Variants in TRAK1 observed in about 807,000 individuals in gnomAD.
TRAK1 encodes the protein trafficking kinesin-binding protein 1.
In TRAK1, 33 loss-of-function variants were observed where a neutral mutation model predicts 92.1. The ratio of observed to expected loss-of-function variants is 0.36; its 90% confidence interval spans 0.27 to 0.48. The LOEUF is 0.48. TRAK1 is among the 20% of genes least tolerant of loss of function. The pLI, the probability that TRAK1 is intolerant of heterozygous loss-of-function variation, is 0.99. For missense variants in TRAK1, 1,123 were observed against 1,257.9 expected (o/e 0.89, Z 1.62); for synonymous variants, 521 against 517.3 (o/e 1.01, Z -0.10).
intron 1 of TRAK1, among the ~76,000 whole-genome samples, chr3:42,110,607 T>G (rs1340081077): frequency 6.6e-6 from 1 of 152,230 alleles, no homozygotes; most frequent in Non-Finnish European, 1.5e-5. Context: ...TTGTCCTGGC[T>G]GAGCCCCTTG....
chr3:42,198,357 C>T lies in TRAK1; in HGVS notation c.1114-820C>T, dbSNP rs139828796. ...TGACCCACAAAGCTGGAGAGAGAAACATGTGAGCTGTTGAGAAGAGTGGCA... is the reference window on the plus strand; with the variant it reads ...TGACCCACAAAGCTGGAGAGAGAAATATGTGAGCTGTTGAGAAGAGTGGCA... On this transcript the variant is annotated intron_variant, in intron 10 of 15. Transcript: ENST00000327628. 2.6e-4 allele frequency among the ~76,000 whole-genome samples: 39 copies of T among 152,292 alleles called. 1 individual carries two copies. In the East Asian group the frequency reaches 7.3e-3, roughly 29 times the overall value.
chr3:42,071,536 C>T (rs942816645), intron 1 of TRAK1, among the ~76,000 whole-genome samples: 10 of 151,940 alleles, frequency 6.6e-5, no homozygotes, highest in Admixed American at 4.6e-4. Context: ...GGTGAAATCC[C>T]GTCTCTACTA....
At chr3:42,064,524 C>T (rs1703592806) in intron 1 of TRAK1, among the ~76,000 whole-genome samples, 1 of 152,216 alleles carries the variant, frequency 6.6e-6, no homozygotes, top group East Asian at 1.9e-4. Flanking sequence ...TAGGAAGCTA[C>T]CATGTGATCC....
chr3:42,073,582 T>C (rs1291565571), intron 1 of TRAK1, among the ~76,000 whole-genome samples: 1 of 152,328 alleles, frequency 6.6e-6, no homozygotes, highest in Admixed American at 6.5e-5. Flanking sequence ...GCCTAGGGCA[T>C]GTGAAAGCCC....
At chr3:42,123,098 G>T (rs1310583019) in intron 1 of TRAK1, among the ~76,000 whole-genome samples, 4 of 152,188 alleles carry the variant, frequency 2.6e-5, no homozygotes, top group Non-Finnish European at 5.9e-5. Context: ...AGTACGGAAT[G>T]GTAGGAAGCT....
chr3:42,101,021 T>C (rs1405556664), intron 1 of TRAK1, among the ~76,000 whole-genome samples: 1 of 152,188 alleles, frequency 6.6e-6, no homozygotes, highest in Non-Finnish European at 1.5e-5. Context: ...GCTGTAGGAG[T>C]GCTAACAGCC....
intron 1 of TRAK1, among the ~76,000 whole-genome samples, chr3:42,056,221 T>C (rs1418514296): frequency 1.3e-5 from 2 of 152,216 alleles, no homozygotes; most frequent in South Asian, 2.1e-4. Context: ...TGCTAGATCA[T>C]GTGGTAACTC....
chr3:42,063,317 G>C (rs753191309), intron 1 of TRAK1, among the ~76,000 whole-genome samples: 1 of 152,240 alleles, frequency 6.6e-6, no homozygotes, highest in African/African-American at 2.4e-5. Context: ...AGGAGCATCC[G>C]GGTTTTGTCT....
At chr3:42,070,494 C>G (rs1703889344) in intron 1 of TRAK1, among the ~76,000 whole-genome samples, 1 of 152,056 alleles carries the variant, frequency 6.6e-6, no homozygotes, top group South Asian at 2.1e-4. Flanking sequence ...GTGGCGCCAT[C>G]ATGGCTCACG....
chr3:42,175,877 T>C (rs1280961857), intron 2 of TRAK1, among the ~76,000 whole-genome samples: 1 of 152,224 alleles, frequency 6.6e-6, no homozygotes, highest in Non-Finnish European at 1.5e-5. Flanking sequence ...AGAAGTTATT[T>C]ATTTAGTCCC....
chr3:42,083,888 A>C (rs1001575446), upstream of TRAK1, among the ~76,000 whole-genome samples: 7 of 149,794 alleles, frequency 4.7e-5, no homozygotes, highest in African/African-American at 1.4e-4. Context: ...ATAAATAAAT[A>C]AAATAAATAA....
Position 42,223,896 on chromosome 3 carries a change from G to T in TRAK1, c.*159G>T. On this transcript the variant is annotated 3_prime_UTR_variant, in exon 16 of 16. Transcript: ENST00000327628. The surrounding 1 kb of genome is among the most constrained non-coding windows in gnomAD (Gnocchi z 6.1). ...CAACCTCGTGCCTAATGGAGGAAGT[G>T]TGGAAACTTTGTAAAATGTGTACAT... 1 of 853,246 alleles carries T rather than the reference G, an allele frequency of 1.2e-6. No individual in the cohort carries two copies. Among genetic ancestry groups the T allele is most frequent in the Non-Finnish European group, 1.8e-6 (1 of 551,220 alleles). 52.9% of individuals were successfully genotyped at this position (853,246 alleles called of 1,614,324 possible).
At chr3:42,054,943 C>CA (rs1195792773) in intron 1 of TRAK1, among the ~76,000 whole-genome samples, 1 of 60,112 alleles carries the variant, frequency 1.7e-5, no homozygotes, top group African/African-American at 6.5e-5. Context: ...TTTTTTGAGA[C>CA]AGAGTCTCAC....
At chr3:42,047,323 G>A (rs914026134) in intron 1 of TRAK1, among the ~76,000 whole-genome samples, 8 of 148,440 alleles carry the variant, frequency 5.4e-5, no homozygotes, top group African/African-American at 2.0e-4. Context: ...AGCCTTCCAA[G>A]AAGCTGGGAC....
chr3:42,052,133 C>T (rs975711603), intron 1 of TRAK1, among the ~76,000 whole-genome samples: 4 of 152,188 alleles, frequency 2.6e-5, no homozygotes, highest in Non-Finnish European at 5.9e-5. Context: ...ACCACCTGGG[C>T]GGGTCTCTAA....
chr3:42,070,236 A>G (rs1703863353), intron 1 of TRAK1, among the ~76,000 whole-genome samples: 1 of 99,748 alleles, frequency 1.0e-5, no homozygotes, highest in African/African-American at 3.4e-5. Context: ...TATAATAATT[A>G]TGAATAATAA....
At chr3:42,182,299 CT>C (rs57384116) in intron 3 of TRAK1, among the ~76,000 whole-genome samples, 25,117 of 144,136 alleles carry the variant, frequency 0.17, 2,390 homozygotes, top group African/African-American at 0.3. Context: ...GCAACTCTCT[CT>C]TTTTTTTTTT....
At chr3:42,160,661 A>G (rs1234149113) in intron 2 of TRAK1, among the ~76,000 whole-genome samples, 1 of 151,688 alleles carries the variant, frequency 6.6e-6, no homozygotes, top group East Asian at 1.9e-4. Flanking sequence ...CCCAGAGAAC[A>G]GCATTTCCAG....
At chr3:42,201,577 C>T (rs1008804383) in intron 12 of TRAK1, among the ~76,000 whole-genome samples, 2 of 152,012 alleles carry the variant, frequency 1.3e-5, no homozygotes, top group Non-Finnish European at 2.9e-5. Flanking sequence ...AAGATGATAC[C>T]AGAAAGTCTG....
Sources: allele counts gnomAD v4.1 joint callset (sites outside exome capture counted in the v4.1 genomes callset), GRCh38; gene constraint gnomAD v4.1.1; non-coding constraint Gnocchi (gnomAD v3.1); transcripts MANE v1.5; gene names NCBI Gene and HGNC (gene_info 2026-07-23, HGNC 2026-07-21).